HIVEP2: variants seen among roughly 807,000 people sequenced by gnomAD.
HIVEP2 encodes transcription factor HIVEP2.
In HIVEP2, 14 loss-of-function variants were observed where a neutral mutation model predicts 180.7. That is an observed-to-expected ratio of 0.08 (90% CI 0.05 to 0.12). HIVEP2 has a LOEUF of 0.12. HIVEP2 is among the 10% of genes least tolerant of loss of function. The pLI is 1.00. For missense variants in HIVEP2, 2,579 were observed against 3,008.5 expected, an observed-to-expected ratio of 0.86 and a Z score of 3.34; for synonymous variants, 1,184 against 1,136.4, an observed-to-expected ratio of 1.04 and a Z score of -0.84.
chr6:142,773,783 A>C lies in HIVEP2; in HGVS notation c.956T>G (p.Leu319Trp), dbSNP rs373903307. ...AATCGGCACCTTCATTGGACCTCCC[A>C]ATGATTCTTCCAATGACCCATGATA... ...GGYHGSLEESLGGPMKVPILI... is the reference protein window; with the variant it reads ...GGYHGSLEESWGGPMKVPILI... The change falls in exon 5 of 10, where the codon TTG (leucine) becomes TGG (tryptophan). Residue 319 changes from leucine to tryptophan, a missense_variant. Leu to Trp is a moderately conservative substitution (Grantham distance 61, BLOSUM62 -2). Coordinates refer to ENST00000367603, the MANE Select transcript of HIVEP2 (RefSeq NM_006734.4). 18 of 1,613,890 alleles carry C rather than the reference A, an allele frequency of 1.1e-5. No homozygotes were observed. The highest frequency in any genetic ancestry group is 1.5e-5 in the Non-Finnish European group (18 of 1,180,032).
chr6:142,773,224 G>A lies in HIVEP2; in HGVS notation c.1515C>T (p.Pro505=). The A allele has an allele frequency of 6.2e-7, 1 of 1,614,118 alleles. No individual in the cohort carries two copies. ...TCCTGATAGATGATGGAATAATCTG[G>A]GGTTGTCTGGACTCACTGTTGAACT... is the stretch of plus-strand genomic sequence containing the variant. The part of the protein sequence containing the change: ...STKFNSESRQ[P]QIIPSSIRNE... Residue 505 remains proline, a synonymous_variant, in exon 5 of 10, where the codon CCC becomes CCT. Transcript: ENST00000367603.
chr6:142,867,094 T>C (rs1386679464), intron 1 of HIVEP2, among the ~76,000 whole-genome samples: 1 of 152,184 alleles, frequency 6.6e-6, no homozygotes, highest in Non-Finnish European at 1.5e-5. Context: ...TAATAAATAA[T>C]TGGACGTGTG....
intron 1 of HIVEP2, among the ~76,000 whole-genome samples, chr6:142,845,637 T>A (rs1775492444): frequency 6.6e-6 from 1 of 152,184 alleles, no homozygotes. Context: ...AAACAAAGGT[T>A]CAGTTAAGGA....
rs182791756 is a variant in HIVEP2, at chr6:142,910,837, G to A, written c.-641+34262C>T. 4.9e-4 allele frequency among the ~76,000 whole-genome samples: 75 copies of A among 152,316 alleles called. 2 individuals are homozygous for A. The highest frequency in any genetic ancestry group is 9.3e-4 in the Non-Finnish European group (63 of 68,022). ...TTCCCTGTGCCTCACCTCAGACCTAGTGAATCACATGCGTAGAGCATGGGG... is the reference window on the plus strand; with the variant it reads ...TTCCCTGTGCCTCACCTCAGACCTAATGAATCACATGCGTAGAGCATGGGG... On this transcript the variant is annotated intron_variant, in intron 1 of 9. Coordinates refer to ENST00000367603, the MANE Select transcript of HIVEP2 (RefSeq NM_006734.4).
At chr6:142,792,851 C>A (rs558502354) in intron 2 of HIVEP2, among the ~76,000 whole-genome samples, 1 of 152,054 alleles carries the variant, frequency 6.6e-6, no homozygotes, top group African/African-American at 2.4e-5. Context: ...GAAAATTTTT[C>A]TGTTTTAGAA....
At chr6:142,870,737 A>G (rs1272350585) in intron 1 of HIVEP2, among the ~76,000 whole-genome samples, 1 of 152,214 alleles carries the variant, frequency 6.6e-6, no homozygotes, top group Admixed American at 6.5e-5. Flanking sequence ...AAAGTGAAGC[A>G]CAAAAAGATT....
intron 2 of HIVEP2, among the ~76,000 whole-genome samples, chr6:142,807,494 A>T (rs557443891): frequency 1.3e-5 from 2 of 152,162 alleles, no homozygotes; most frequent in African/African-American, 4.8e-5. Context: ...AAATCAATCT[A>T]ATTTTTTTCC....
At chr6:142,926,763 C>G (rs907075477) in intron 1 of HIVEP2, among the ~76,000 whole-genome samples, 5 of 152,128 alleles carry the variant, frequency 3.3e-5, no homozygotes, top group East Asian at 1.9e-4. Context: ...CCGGGGCGCG[C>G]GTTCTCCCTC....
chr6:142,903,615 A>G (rs1777187052), intron 1 of HIVEP2, among the ~76,000 whole-genome samples: 2 of 152,200 alleles, frequency 1.3e-5, no homozygotes, highest in African/African-American at 4.8e-5. Context: ...ATATGCATAT[A>G]TACCAGTACA....
intron 2 of HIVEP2, among the ~76,000 whole-genome samples, chr6:142,815,181 C>T (rs932896584): frequency 3.3e-5 from 5 of 152,200 alleles, no homozygotes; most frequent in Non-Finnish European, 7.3e-5. Flanking sequence ...TAGGTCTCAA[C>T]ACTGTTGCAC....
chr6:142,928,084 G>A (rs1419275073), intron 1 of HIVEP2, among the ~76,000 whole-genome samples: 3 of 152,156 alleles, frequency 2.0e-5, no homozygotes, highest in Non-Finnish European at 4.4e-5. Flanking sequence ...TGGACCTGGG[G>A]TGACCATGAT....
intron 1 of HIVEP2, among the ~76,000 whole-genome samples, chr6:142,875,516 A>G (rs1051509494): frequency 5.9e-5 from 9 of 152,200 alleles, no homozygotes; most frequent in Non-Finnish European, 1.2e-4. Flanking sequence ...GAAGCCTAGT[A>G]AGAGCTTTTG....
intron 1 of HIVEP2, among the ~76,000 whole-genome samples, chr6:142,883,456 C>T (rs1430413067): frequency 6.6e-6 from 1 of 152,128 alleles, no homozygotes; most frequent in Non-Finnish European, 1.5e-5. Flanking sequence ...CCTTCCCACA[C>T]AAACTATAAT....
At position 142,774,713 on chromosome 6, in the gene HIVEP2, C is replaced by G; in HGVS notation, c.26G>C (p.Gly9Ala). 2 of 1,614,098 alleles carry G rather than the reference C, an allele frequency of 1.2e-6. No homozygotes were observed. Among genetic ancestry groups the G allele is most frequent in the East Asian group, 4.5e-5 (2 of 44,888 alleles). Reference protein sequence around the residue: MDTGDTALGQKATSRSGET... With the variant: MDTGDTALAQKATSRSGET... ...TCCAGACCTTGAGGTAGCTTTTTGT[C>G]CTAGAGCTGTGTCCCCAGTGTCCAT... The change falls in exon 5 of 10, where the codon GGA becomes GCA. Residue 9 changes from glycine (G) to alanine (A), a missense_variant. Physicochemically the swap from Gly to Ala is moderately conservative, Grantham distance 60. This residue lies in a region of HIVEP2 where 207 missense variants were observed against 210.1 expected (regional missense o/e 0.99). Transcript: ENST00000367603. This position sits in a 1 kb window ranked among gnomAD's most constrained non-coding sequence, Gnocchi z 5.1.
Position 142,771,223 on chromosome 6 carries a change from G to A in HIVEP2, c.3516C>T (p.Ile1172=), listed in dbSNP as rs756823187. 4 of 1,614,056 alleles carry A rather than the reference G, an allele frequency of 2.5e-6. No individual in the cohort carries two copies. The highest frequency in any genetic ancestry group is 1.1e-5 in the South Asian group (1 of 91,082). ...DSQESLRNPL[I]QPTSYMTSKH... ...TGCTTGTCATATAGGATGTTGGTTG[G>A]ATCAAGGGATTTCTCAAAGATTCCT... Residue 1172 remains isoleucine, a synonymous_variant, in exon 5 of 10, where the codon ATC becomes ATT. Coordinates refer to ENST00000367603, the MANE Select transcript of HIVEP2 (RefSeq NM_006734.4). The surrounding 1 kb of genome is among the most constrained non-coding windows in gnomAD (Gnocchi z 5.4).
intron 1 of HIVEP2, among the ~76,000 whole-genome samples, chr6:142,880,026 A>G (rs111690789): frequency 0.017 from 2,603 of 152,200 alleles, 79 homozygotes; most frequent in African/African-American, 0.06. Flanking sequence ...AATGAAATTG[A>G]TAATTTGGAA....
At chr6:142,878,764 G>A (rs1347751559) in intron 1 of HIVEP2, among the ~76,000 whole-genome samples, 2 of 152,160 alleles carry the variant, frequency 1.3e-5, no homozygotes, top group Non-Finnish European at 2.9e-5. Context: ...AAAAGTGACT[G>A]TAGGGACACT....
At chr6:142,758,085 TG>T (rs553477183) in intron 9 of HIVEP2, among the ~76,000 whole-genome samples, 99 of 152,338 alleles carry the variant, frequency 6.5e-4, no homozygotes, top group African/African-American at 2.3e-3. Context: ...ATCCCAGACT[TG>T]GTATCCCATG....
chr6:142,861,496 G>A (rs1309509368), intron 1 of HIVEP2, among the ~76,000 whole-genome samples: 5 of 151,970 alleles, frequency 3.3e-5, no homozygotes, highest in Admixed American at 3.3e-4. Flanking sequence ...ATTACTTGAA[G>A]GTATCCTTGG....
Sources: gnomAD v4.1 joint callset for allele counts (sites outside exome capture counted in the v4.1 genomes callset) on GRCh38, gnomAD v4.1.1 for gene constraint, gnomAD v4.1.1 regional missense constraint, Gnocchi (gnomAD v3.1) non-coding constraint, MANE v1.5 for transcripts, NCBI Gene and HGNC (gene_info 2026-07-23, HGNC 2026-07-21) for gene names.